The following NUDT3 variants were observed in gnomAD, a reference collection of about 807,000 sequenced individuals.
NUDT3 encodes nudix hydrolase 3.
A neutral mutation model predicts 23.6 loss-of-function variants in NUDT3; 9 were observed. That is an observed-to-expected ratio of 0.38 (90% confidence interval 0.23 to 0.66). The LOEUF (loss-of-function observed/expected upper bound fraction) is 0.66. Ranked by LOEUF, NUDT3 falls within the 30% of genes least tolerant of loss-of-function variation. The pLI, the probability that NUDT3 is intolerant of heterozygous loss-of-function variation, is 0.52. For missense variants in NUDT3, 172 were observed against 218.5 expected, an observed-to-expected ratio of 0.79 and a Z score of 1.34; for synonymous variants, 86 against 82.6, an observed-to-expected ratio of 1.04 and a Z score of -0.22.
intron 1 of NUDT3, among the ~76,000 whole-genome samples, chr6:34,385,086 A>G (rs192306639): frequency 2.1e-3 from 317 of 151,882 alleles, no homozygotes; most frequent in Middle Eastern, 6.8e-3. Context: ...AGATTAGCAG[A>G]TAAATATACA....
chr6:34,345,579 C>T (rs1161378079), intron 1 of NUDT3, among the ~76,000 whole-genome samples: 2 of 145,536 alleles, frequency 1.4e-5, no homozygotes, highest in Non-Finnish European at 3.0e-5. Flanking sequence ...AGGAGAATGG[C>T]GTGAACCCGG....
chr6:34,378,139 C>CAA (rs555966119), intron 1 of NUDT3, among the ~76,000 whole-genome samples: 3 of 129,372 alleles, frequency 2.3e-5, no homozygotes, highest in African/African-American at 2.8e-5. Context: ...CGCTCCTACC[C>CAA]AAAAAAAAAA....
chr6:34,303,844 C>T (rs1763635379), intron 2 of NUDT3, among the ~76,000 whole-genome samples: 1 of 152,208 alleles, frequency 6.6e-6, no homozygotes, highest in African/African-American at 2.4e-5. Context: ...CTGTGTCATT[C>T]GTTTAAGTAT....
At chr6:34,352,973 T>C (rs1764500283) in intron 1 of NUDT3, among the ~76,000 whole-genome samples, 1 of 152,258 alleles carries the variant, frequency 6.6e-6, no homozygotes, top group South Asian at 2.1e-4. Context: ...GTCTTCCTAA[T>C]TCTACTCTTT....
chr6:34,304,264 A>C (rs1001723775), intron 2 of NUDT3, among the ~76,000 whole-genome samples: 2 of 151,702 alleles, frequency 1.3e-5, no homozygotes, highest in African/African-American at 2.4e-5. Context: ...AAAAAAAAAA[A>C]AAAAAAAGAA....
chr6:34,342,289 CAAAAAAAAA>C (rs200954440), intron 1 of NUDT3, among the ~76,000 whole-genome samples: 15,130 of 66,474 alleles, frequency 0.23, 1,445 homozygotes, highest in East Asian at 0.56. Flanking sequence ...TAGAAGACTT[CAAAAAAAAA>C]AAAAAAAAAA....
chr6:34,371,704 T>C (rs907422482), intron 1 of NUDT3, among the ~76,000 whole-genome samples: 8 of 152,206 alleles, frequency 5.3e-5, no homozygotes, highest in African/African-American at 1.4e-4. Flanking sequence ...ATGAGAATTA[T>C]AATTCTTTAA....
At chr6:34,360,500 G>C (rs566793829) in intron 1 of NUDT3, among the ~76,000 whole-genome samples, 2 of 152,148 alleles carry the variant, frequency 1.3e-5, no homozygotes, top group Non-Finnish European at 2.9e-5. Context: ...CTTGAACCCA[G>C]GAGGTGGAGG....
intron 2 of NUDT3, among the ~76,000 whole-genome samples, chr6:34,321,918 A>G (rs1763948207): frequency 6.6e-6 from 1 of 152,146 alleles, no homozygotes; most frequent in Admixed American, 6.5e-5. Context: ...TGAATTTTGT[A>G]TTTATTTAAT....
At chr6:34,300,507 G>A (rs530454377) in intron 2 of NUDT3, among the ~76,000 whole-genome samples, 27 of 152,312 alleles carry the variant, frequency 1.8e-4, no homozygotes, top group Non-Finnish European at 2.9e-4. Flanking sequence ...GCTCCTTAGA[G>A]GCTGTCTCTC....
intron 2 of NUDT3, among the ~76,000 whole-genome samples, chr6:34,298,234 G>A (rs2113698688): frequency 6.6e-6 from 1 of 152,050 alleles, no homozygotes; most frequent in South Asian, 2.1e-4. Context: ...GGTGGCACAT[G>A]CCCATAGTCC....
In NUDT3 at chr6:34,297,745, ATATATATATATATAATT is replaced by A. The variant is rs1451048466; in HGVS notation, c.211-2077_211-2061del. 4.4e-4 allele frequency among the ~76,000 whole-genome samples: 46 copies of A among 104,490 alleles called. 2 individuals carry two copies. Among genetic ancestry groups the A allele is most frequent in the African/African-American group, 1.1e-3 (25 of 22,680 alleles). 68.5% of individuals were successfully genotyped at this position (104,490 alleles called of 152,430 possible). On this transcript the variant is annotated intron_variant, in intron 2 of 4. Transcript: ENST00000607016. ...AAAAAAAAAAAATATATATATATAT[ATATATATATATATAATT>A]TTTTTTTTTTTTTTAGTAGAGACGG... is the stretch of plus-strand genomic sequence containing the variant.
intron 2 of NUDT3, among the ~76,000 whole-genome samples, chr6:34,328,231 T>C (rs544331726): frequency 2.0e-5 from 3 of 152,322 alleles, no homozygotes; most frequent in South Asian, 4.1e-4. Context: ...CATCAGAGGA[T>C]CTGATCACAC....
intron 3 of NUDT3, among the ~76,000 whole-genome samples, chr6:34,295,339 A>G (rs1763483427): frequency 6.6e-6 from 1 of 152,086 alleles, no homozygotes; most frequent in Non-Finnish European, 1.5e-5. Context: ...CCTGGGCAAC[A>G]TGGCAAGACC....
chr6:34,352,061 T>C (rs964490465), intron 1 of NUDT3, among the ~76,000 whole-genome samples: 6 of 152,150 alleles, frequency 3.9e-5, no homozygotes, highest in Non-Finnish European at 7.3e-5. Flanking sequence ...AAAAAACTTA[T>C]AATTGGCCAA....
intron 2 of NUDT3, among the ~76,000 whole-genome samples, chr6:34,329,667 T>C (rs1764096929): frequency 6.6e-6 from 1 of 152,146 alleles, no homozygotes; most frequent in Non-Finnish European, 1.5e-5. Flanking sequence ...TTTTTTTTAT[T>C]ATACTTTAAG....
At chr6:34,369,038 T>C (rs1225730443) in intron 1 of NUDT3, among the ~76,000 whole-genome samples, 1 of 152,254 alleles carries the variant, frequency 6.6e-6, no homozygotes, top group African/African-American at 2.4e-5. Flanking sequence ...CTAGCTGATT[T>C]TGAATTAGTT....
In NUDT3 at chr6:34,296,576, A is replaced by AATAC. The variant is rs568380239; in HGVS notation, c.211-895_211-892dup. On this transcript the variant is annotated intron_variant, in intron 2 of 4. Coordinates refer to ENST00000607016, the MANE Select transcript of NUDT3 (RefSeq NM_006703.4). ...GTGACAGAGCCAGACCCTGTCGGTA[A>AATAC]ATACATACATACATACATACACGCA... 1.3e-3 allele frequency among the ~76,000 whole-genome samples: 199 copies of AATAC among 152,214 alleles called. 1 individual carries two copies. In the East Asian group the frequency reaches 0.015, roughly 11 times the overall value.
Position 34,288,861 on chromosome 6 carries a change from T to G in NUDT3, c.411A>C (p.Ala137=). Residue 137 remains alanine (A), a synonymous_variant, in exon 5 of 5, where the codon GCA becomes GCC. Coordinates refer to ENST00000607016, the MANE Select transcript of NUDT3 (RefSeq NM_006703.4). ...KVLQYHKPVQ[A]SYFETLRQGY... ...CTTGCCTCAATGTTTCAAAATATGA[T>G]GCCTGCACGGGTTTGTGATACTGCA... 1.2e-6 allele frequency: 2 copies of G among 1,614,176 alleles called. No individual in the cohort carries two copies. The highest frequency in any genetic ancestry group is 2.2e-5 in the South Asian group (2 of 91,080).
Sources: gnomAD v4.1 joint callset for allele counts (sites outside exome capture counted in the v4.1 genomes callset) on GRCh38, gnomAD v4.1.1 for gene constraint, MANE v1.5 for transcripts, NCBI Gene and HGNC (gene_info 2026-07-23, HGNC 2026-07-21) for gene names.